Variants in MACO1 observed in about 807,000 individuals in gnomAD.
MACO1 encodes macoilin 1.
MACO1 carries 14 observed loss-of-function variants against 78.7 expected under a neutral mutation model. That is an observed-to-expected ratio of 0.18 (90% CI 0.12 to 0.28). The LOEUF is 0.28. Among genes scored for constraint, MACO1 ranks in the 10% least tolerant of loss-of-function variants. The pLI, the probability that MACO1 is intolerant of heterozygous loss-of-function variation, is 1.00. For synonymous variants in MACO1, 288 were observed against 291.6 expected, an observed-to-expected ratio of 0.99 and a Z score of 0.12; for missense variants, 501 against 799.0, an observed-to-expected ratio of 0.63 and a Z score of 4.50.
intron 1 of MACO1, 122 bp from the exon 2 acceptor site, chr1:25,446,640 C>A: frequency 2.0e-6 from 2 of 982,502 alleles, no homozygotes; most frequent in Non-Finnish European, 1.4e-6. Flanking sequence ...TGTGCTTTAT[C>A]TCCATTGTTT....
At chr1:25,437,514 T>G (rs549875046) in intron 1 of MACO1, among the ~76,000 whole-genome samples, 1 of 152,118 alleles carries the variant, frequency 6.6e-6, no homozygotes, top group Non-Finnish European at 1.5e-5. Flanking sequence ...TTGCCTATCT[T>G]GTAGCAAGAA....
In MACO1 at chr1:25,467,244, C is replaced by T. The variant is rs550462588; in HGVS notation, c.1154+8352C>T. 3.3e-5 allele frequency among the ~76,000 whole-genome samples: 5 copies of T among 152,086 alleles called. No individual in the cohort carries two copies. The South Asian group carries it at 1.0e-3, about 32-fold the overall frequency. ...CAGCACTCTAGCCTGGGCAACAAAG[C>T]GAGGCTCTTTCTCAAAAAAAAATAA... On this transcript the variant is annotated intron_variant, in intron 6 of 10. Transcript: ENST00000374343.
At position 25,485,597 on chromosome 1, in the gene MACO1, A is replaced by G. The variant is rs1454057899; in HGVS notation, c.1314-16A>G. On this transcript the variant is annotated splice_polypyrimidine_tract_variant and intron_variant, in intron 7 of 10. Coordinates refer to ENST00000374343, the MANE Select transcript of MACO1 (RefSeq NM_018202.6). The surrounding 1 kb of genome is among the most constrained non-coding windows in gnomAD (Gnocchi z 4.3). ...TTGTAATTTTAAGACTTTATATGAC[A>G]ATCATTTCCATATAGGTTACATAAT... 1 of 1,603,446 alleles carries G rather than the reference A, an allele frequency of 6.2e-7. No homozygotes were observed. The highest frequency in any genetic ancestry group is 2.2e-5 in the East Asian group (1 of 44,826).
chr1:25,478,112 G>A (rs1249977684), intron 6 of MACO1, among the ~76,000 whole-genome samples: 1 of 152,118 alleles, frequency 6.6e-6, no homozygotes, highest in Non-Finnish European at 1.5e-5. Flanking sequence ...AGGCATGGTG[G>A]TACAGGCCTA....
chr1:25,467,393 A>G (rs1342692748), intron 6 of MACO1, among the ~76,000 whole-genome samples: 1 of 152,200 alleles, frequency 6.6e-6, no homozygotes, highest in African/African-American at 2.4e-5. Flanking sequence ...TTCCCTCTCA[A>G]AACAGCCCAA....
chr1:25,482,689 C>T (rs1275136116), intron 6 of MACO1, among the ~76,000 whole-genome samples: 1 of 152,202 alleles, frequency 6.6e-6, no homozygotes, highest in African/African-American at 2.4e-5. Flanking sequence ...CTGTGGATGA[C>T]ATGGCTATAG....
rs540942538 is a variant in MACO1, at chr1:25,454,438, A to G, written c.473+56A>G. On this transcript the variant is annotated intron_variant, in intron 4 of 10. Coordinates refer to ENST00000374343, the MANE Select transcript of MACO1 (RefSeq NM_018202.6). The stretch of plus-strand genomic sequence containing the variant: ...TGTGTATATGTGTGTATGTATATAT[A>G]TGTGTGTGTGTGTGTGTGTGTGTGT... 884 of 258,870 alleles carry G rather than the reference A, an allele frequency of 3.4e-3. 40 individuals are homozygous for G. Among genetic ancestry groups the G allele is most frequent in the African/African-American group, 0.023 (612 of 26,056 alleles). The allele number at this position is 258,870 out of a possible 1,614,324, so 16.0% of individuals were successfully genotyped here. A position where few individuals can be genotyped will look rare whatever the true frequency, so the allele number is the denominator to read the frequency against.
rs1033628471 is a variant in MACO1 at position 25,500,154 on chromosome 1, T to C, written c.*1688T>C. ...CGTTAAATACTGGTCTTGGCTGCAT[T>C]CTTTTTTTTTTTTCCTGTGGGGTTC... is the stretch of plus-strand genomic sequence containing the variant. On this transcript the variant is annotated 3_prime_UTR_variant, in exon 11 of 11. Transcript: ENST00000374343. The C allele has an allele frequency of 6.6e-6, 1 of 150,456 alleles. No homozygotes were observed. The highest frequency in any genetic ancestry group is 1.5e-5 in the Non-Finnish European group (1 of 68,030). The allele number at this position is 150,456 out of a possible 1,614,324, so 9.3% of individuals were successfully genotyped here.
Position 25,498,515 on chromosome 1 carries a change from C to A in MACO1, c.*49C>A. ...AAAATTTGGTTACCGGAAGGCATTG[C>A]AAAGGAGCGTCTCTGGCAGTCAAGA... is the stretch of plus-strand genomic sequence containing the variant. On this transcript the variant is annotated 3_prime_UTR_variant, in exon 11 of 11. Coordinates refer to ENST00000374343, the MANE Select transcript of MACO1 (RefSeq NM_018202.6). 1.3e-6 allele frequency: 2 copies of A among 1,488,810 alleles called. No homozygotes were observed. The highest frequency in any genetic ancestry group is 1.8e-6 in the Non-Finnish European group (2 of 1,099,462). The allele number at this position is 1,488,810 out of a possible 1,614,324, so 92.2% of individuals were successfully genotyped here.
Position 25,446,823 on chromosome 1 carries a change from C to G in MACO1, c.142C>G (p.Leu48Val). 5 of 1,613,888 alleles carry G rather than the reference C, an allele frequency of 3.1e-6. No homozygotes were observed. The highest frequency in any genetic ancestry group is 4.2e-6 in the Non-Finnish European group (5 of 1,179,916). Residue 48 changes from leucine (L) to valine (V), a missense_variant, in exon 2 of 11, where the codon CTG (leucine) becomes GTG (valine). Around this residue, in one of 5 missense-constraint regions of MACO1, gnomAD observed 171 missense variants for 292.1 expected, o/e 0.59. Coordinates refer to ENST00000374343, the MANE Select transcript of MACO1 (RefSeq NM_018202.6). ...WALVLLADFV[L>V]EFRFEYLWPF... is the part of the protein sequence containing the mutation. ...ACTTGTCCTCCTAGCAGATTTTGTC[C>G]TGGAGTTCAGATTTGAATACCTGTG... is the stretch of plus-strand genomic sequence containing the variant.
At chr1:25,465,415 G>A (rs34226190) in intron 6 of MACO1, among the ~76,000 whole-genome samples, 63,156 of 152,014 alleles carry the variant, frequency 0.42, 14,420 homozygotes, top group East Asian at 0.73. Context: ...ATTCCCACCA[G>A]CAATGAATGG....
chr1:25,452,906 A>G (rs191206207), intron 3 of MACO1, among the ~76,000 whole-genome samples: 2 of 152,126 alleles, frequency 1.3e-5, no homozygotes, highest in East Asian at 3.9e-4. Flanking sequence ...CATGTTAGTC[A>G]GGCTGGTCTT....
chr1:25,455,147 T>A (rs2124583515), intron 4 of MACO1, among the ~76,000 whole-genome samples: 1 of 152,364 alleles, frequency 6.6e-6, no homozygotes, highest in Middle Eastern at 3.4e-3. Flanking sequence ...TATGGCTAAT[T>A]CATGAAACTT....
intron 6 of MACO1, among the ~76,000 whole-genome samples, chr1:25,476,584 A>T (rs1483222121): frequency 6.6e-6 from 1 of 152,164 alleles, no homozygotes; most frequent in East Asian, 1.9e-4. Context: ...GAAAGGAGAG[A>T]GGGAGGAGTT....
chr1:25,490,011 T>C (rs927005781), intron 9 of MACO1, among the ~76,000 whole-genome samples: 1 of 152,096 alleles, frequency 6.6e-6, no homozygotes, highest in Non-Finnish European at 1.5e-5. Context: ...ACTCATCTCA[T>C]GCCACATATA....
At chr1:25,444,222 A>G (rs2042996217) in intron 1 of MACO1, among the ~76,000 whole-genome samples, 1 of 151,770 alleles carries the variant, frequency 6.6e-6, no homozygotes, top group Non-Finnish European at 1.5e-5. Context: ...TCATGCCACC[A>G]CACTCCAGCC....
intron 3 of MACO1, among the ~76,000 whole-genome samples, chr1:25,451,066 T>TGGGCTATTGGCCCATAAAGATGG (rs374153687): frequency 1.3e-5 from 2 of 152,180 alleles, no homozygotes; most frequent in African/African-American, 4.8e-5. Context: ...TGTCATAAAA[T>TGGGCTATTGGCCCATAAAGATGG]GCTACTGGCC....
rs1362806055 is a variant in MACO1 at position 25,458,503 on chromosome 1, A to G, written c.765A>G (p.Lys255=). Residue 255 remains lysine, a synonymous_variant, in exon 6 of 11, where the codon AAA becomes AAG. Coordinates refer to ENST00000374343, the MANE Select transcript of MACO1 (RefSeq NM_018202.6). ...TTLPEIEYRE[K]GKEKDKDAKK... The stretch of plus-strand genomic sequence containing the variant: ...TGCCAGAGATAGAATACCGAGAAAA[A>G]GGGAAAGAAAAGGACAAGGATGCCA... The G allele has an allele frequency of 1.2e-6, 2 of 1,613,966 alleles. No homozygotes were observed. The highest frequency in any genetic ancestry group is 1.3e-5 in the African/African-American group (1 of 74,924).
At chr1:25,462,347 C>T (rs982043316) in intron 6 of MACO1, among the ~76,000 whole-genome samples, 2 of 151,900 alleles carry the variant, frequency 1.3e-5, no homozygotes, top group African/African-American at 4.8e-5. Context: ...AGGTTTGTTG[C>T]AAGGGCATAT....
Sources: gnomAD v4.1 joint callset for allele counts (sites outside exome capture counted in the v4.1 genomes callset) on GRCh38, gnomAD v4.1.1 for gene constraint, gnomAD v4.1.1 regional missense constraint, Gnocchi (gnomAD v3.1) non-coding constraint, MANE v1.5 for transcripts, NCBI Gene and HGNC (gene_info 2026-07-23, HGNC 2026-07-21) for gene names.